The following SYN3 variants were observed in gnomAD, a reference collection of about 807,000 sequenced individuals.
The protein encoded by SYN3 is synapsin III.
In SYN3, 35 loss-of-function variants were observed where a neutral mutation model predicts 65.8. The ratio of observed to expected loss-of-function variants is 0.53; its 90% CI spans 0.41 to 0.70. SYN3 has a LOEUF of 0.70. Among genes scored for constraint, SYN3 ranks in the 30% least tolerant of loss-of-function variants. The pLI is 0.00. For synonymous variants in SYN3, 270 were observed against 292.9 expected (o/e 0.92, Z 0.80); for missense variants, 680 against 749.0 (o/e 0.91, Z 1.08).
At chr22:32,854,885 G>T (rs950213548) in intron 6 of SYN3, among the ~76,000 whole-genome samples, 2 of 152,024 alleles carry the variant, frequency 1.3e-5, no homozygotes, top group East Asian at 3.9e-4. Context: ...AACTCAGTAG[G>T]TCCAACAGAC....
rs1182833060 is a variant in SYN3, at chr22:32,676,710, G to T, written c.712-79974C>A. ...CACCACCACTCCCGGTTAATTTTTT[G>T]TTTTTTTTTTTTTTAGTAGAGACGG... On this transcript the variant is annotated intron_variant, in intron 6 of 13. Coordinates refer to ENST00000358763, the MANE Select transcript of SYN3 (RefSeq NM_003490.4). Among the ~76,000 whole-genome samples the T allele has an allele frequency of 1.8e-3, 240 of 133,794 alleles. 2 individuals are homozygous for T. Among genetic ancestry groups the T allele is most frequent in the East Asian group, 0.01 (47 of 4,500 alleles). The allele number at this position is 133,794 out of a possible 152,430, so 87.8% of individuals were successfully genotyped here.
chr22:32,960,361 T>C (rs2051609356), intron 3 of SYN3, among the ~76,000 whole-genome samples: 1 of 152,168 alleles, frequency 6.6e-6, no homozygotes, highest in African/African-American at 2.4e-5. Flanking sequence ...CCGGTTGAAA[T>C]AATTCAAACT....
chr22:32,935,367 C>A (rs1281736577), intron 3 of SYN3, among the ~76,000 whole-genome samples: 2 of 151,660 alleles, frequency 1.3e-5, no homozygotes, highest in Non-Finnish European at 2.9e-5. Context: ...AAAAACGCTA[C>A]TATCAGAATT....
chr22:32,758,539 G>C (rs180970013), intron 6 of SYN3, among the ~76,000 whole-genome samples: 1 of 150,356 alleles, frequency 6.7e-6, no homozygotes, highest in Non-Finnish European at 1.5e-5. Context: ...TCTTTCTCCC[G>C]TGCTGGATGC....
intron 6 of SYN3, among the ~76,000 whole-genome samples, chr22:32,694,543 A>G (rs375697011): frequency 2.0e-5 from 3 of 152,324 alleles, no homozygotes; most frequent in Non-Finnish European, 2.9e-5. Context: ...ATTTTTTCCA[A>G]TAAAGATAGT....
At chr22:32,754,675 G>C (rs1349492093) in intron 6 of SYN3, among the ~76,000 whole-genome samples, 1 of 152,192 alleles carries the variant, frequency 6.6e-6, no homozygotes, top group East Asian at 1.9e-4. Flanking sequence ...GTAAATTCCA[G>C]CAAGTCCTCA....
chr22:32,673,038 ATCTCAGGGC>A (rs2060393121), intron 6 of SYN3, among the ~76,000 whole-genome samples: 1 of 152,212 alleles, frequency 6.6e-6, no homozygotes, highest in South Asian at 2.1e-4. Context: ...GAAAAAATGG[ATCTCAGGGC>A]AGAATCTGAT....
intron 6 of SYN3, among the ~76,000 whole-genome samples, chr22:32,765,406 G>A (rs1046236009): frequency 6.6e-6 from 1 of 152,206 alleles, no homozygotes; most frequent in Non-Finnish European, 1.5e-5. Flanking sequence ...AGGCCGATCA[G>A]TGGGAATTTC....
chr22:32,833,686 G>A (rs576869529), intron 6 of SYN3, among the ~76,000 whole-genome samples: 257 of 152,292 alleles, frequency 1.7e-3, no homozygotes, highest in Non-Finnish European at 2.5e-3. Context: ...AGGCTGCCTG[G>A]ACTGGCATGC....
chr22:32,799,772 T>A (rs2046518046), intron 6 of SYN3, among the ~76,000 whole-genome samples: 1 of 152,166 alleles, frequency 6.6e-6, no homozygotes, highest in Non-Finnish European at 1.5e-5. Context: ...CAGTCAGCTG[T>A]TGGCCACACC....
chr22:32,667,828 C>T (rs1230899502), intron 6 of SYN3, among the ~76,000 whole-genome samples: 5 of 141,498 alleles, frequency 3.5e-5, no homozygotes, highest in Admixed American at 1.4e-4. Context: ...GACGGAGTGT[C>T]GCTCTGTCGC....
chr22:32,740,979 A>G (rs929749842), intron 6 of SYN3, among the ~76,000 whole-genome samples: 2 of 152,150 alleles, frequency 1.3e-5, no homozygotes, highest in Non-Finnish European at 2.9e-5. Context: ...TGGGGACAAA[A>G]GAAGGTTTGA....
chr22:32,993,470 C>T (rs775440036), intron 2 of SYN3, among the ~76,000 whole-genome samples: 14 of 152,162 alleles, frequency 9.2e-5, no homozygotes, highest in East Asian at 7.7e-4. Context: ...ATTCTCCTCC[C>T]GAGTAGCTGG....
chr22:32,748,122 T>C (rs1427104477), intron 6 of SYN3, among the ~76,000 whole-genome samples: 2 of 152,172 alleles, frequency 1.3e-5, no homozygotes, highest in Non-Finnish European at 1.5e-5. Context: ...TTGGGAAAGG[T>C]AGATAATCTC....
intron 1 of SYN3, among the ~76,000 whole-genome samples, chr22:33,045,459 CTTTTTTTT>C (rs745442160): frequency 1.2e-5 from 1 of 84,694 alleles, no homozygotes; most frequent in Admixed American, 1.5e-4. Context: ...GCTCTACTTT[CTTTTTTTT>C]TTTTTTTTTT....
At chr22:33,044,763 T>G (rs1035111450) in intron 1 of SYN3, among the ~76,000 whole-genome samples, 2 of 151,942 alleles carry the variant, frequency 1.3e-5, no homozygotes, top group Non-Finnish European at 2.9e-5. Flanking sequence ...TTATTTCTGG[T>G]GCTTGCTAAC....
At chr22:33,038,543 T>C (rs2053902825) in intron 1 of SYN3, among the ~76,000 whole-genome samples, 1 of 152,130 alleles carries the variant, frequency 6.6e-6, no homozygotes, top group South Asian at 2.1e-4. Context: ...GACACAATCC[T>C]TCTCAGAATG....
At chr22:33,010,168 G>A (rs2053314845) in intron 1 of SYN3, among the ~76,000 whole-genome samples, 1 of 151,792 alleles carries the variant, frequency 6.6e-6, no homozygotes, top group South Asian at 2.1e-4. Flanking sequence ...GGAGGCGGAG[G>A]TTGCGGTGAG....
intron 6 of SYN3, among the ~76,000 whole-genome samples, chr22:32,674,090 C>T (rs916922964): frequency 2.6e-5 from 4 of 151,592 alleles, no homozygotes; most frequent in African/African-American, 9.7e-5. Context: ...GAGTGCTGGG[C>T]GGGAGGGGAC....
Sources: gnomAD v4.1 joint callset for allele counts (sites outside exome capture counted in the v4.1 genomes callset) on GRCh38, gnomAD v4.1.1 for gene constraint, MANE v1.5 for transcripts, NCBI Gene and HGNC (gene_info 2026-07-23, HGNC 2026-07-21) for gene names.